LHFPL2: variants seen among roughly 807,000 people sequenced by gnomAD.
LHFPL2 encodes the protein LHFPL tetraspan subfamily member 2 protein.
A neutral mutation model predicts 17.5 loss-of-function variants in LHFPL2; 7 were observed. The observed-to-expected ratio is 0.40, with a 90% confidence interval of 0.23 to 0.75. The LOEUF is 0.75. Ranked by LOEUF, LHFPL2 falls within the 30% of genes least tolerant of loss-of-function variation. LHFPL2 has a pLI of 0.37. For synonymous variants in LHFPL2, 134 were observed against 116.2 expected, an observed-to-expected ratio of 1.15 and a Z score of -0.99; for missense variants, 241 against 294.8, an observed-to-expected ratio of 0.82 and a Z score of 1.34.
intron 3 of LHFPL2, among the ~76,000 whole-genome samples, chr5:78,558,721 C>T: frequency 6.6e-6 from 1 of 152,160 alleles, no homozygotes; most frequent in Non-Finnish European, 1.5e-5. Context: ...GTGCAATAAT[C>T]CATCAGACAG....
chr5:78,600,215 T>C (rs1232863912), intron 2 of LHFPL2, among the ~76,000 whole-genome samples: 2 of 151,918 alleles, frequency 1.3e-5, no homozygotes, highest in African/African-American at 2.4e-5. Context: ...TTTACAAATA[T>C]ATTGTTGTCA....
chr5:78,589,118 A>G (rs918379635), intron 2 of LHFPL2, among the ~76,000 whole-genome samples: 2 of 152,166 alleles, frequency 1.3e-5, no homozygotes, highest in African/African-American at 4.8e-5. Flanking sequence ...TGTGCTTTCC[A>G]TTGCATCCAG....
At chr5:78,627,281 TCGAAGTTAA>T (rs1015023311) in intron 2 of LHFPL2, among the ~76,000 whole-genome samples, 2 of 152,014 alleles carry the variant, frequency 1.3e-5, no homozygotes, top group African/African-American at 4.8e-5. Context: ...GCACAGGCCC[TCGAAGTTAA>T]CCAGCAACTG....
chr5:78,555,145 C>T (rs1756539210), intron 3 of LHFPL2, among the ~76,000 whole-genome samples: 1 of 152,054 alleles, frequency 6.6e-6, no homozygotes. Flanking sequence ...CCCAAGAAAA[C>T]ATCAAGTCTT....
intron 2 of LHFPL2, chr5:78,625,226 CA>C (rs1431989884): frequency 2.6e-5 from 4 of 152,236 alleles, no homozygotes; most frequent in African/African-American, 7.2e-5. Flanking sequence ...CACACACACA[CA>C]CACACCCCTC....
Position 78,485,633 on chromosome 5 carries a change from A to G in LHFPL2, c.*3264T>C, listed in dbSNP as rs1179111919. On this transcript the variant is annotated 3_prime_UTR_variant, in exon 5 of 5. Transcript: ENST00000380345. ...GGTCTGTTCTAAGCCAGACTCTTACAGCTAAGGAGGTGTGAGATTAGCCCT... is the reference window on the plus strand; with the variant it reads ...GGTCTGTTCTAAGCCAGACTCTTACGGCTAAGGAGGTGTGAGATTAGCCCT... 2 of 152,634 alleles carry G rather than the reference A, an allele frequency of 1.3e-5. No homozygotes were observed. The highest frequency in any genetic ancestry group is 2.9e-5 in the Non-Finnish European group (2 of 68,050). The allele number at this position is 152,634 out of a possible 1,614,324, so 9.5% of individuals were successfully genotyped here.
chr5:78,601,572 A>G (rs564875218), intron 2 of LHFPL2, among the ~76,000 whole-genome samples: 1 of 152,362 alleles, frequency 6.6e-6, no homozygotes, highest in African/African-American at 2.4e-5. Flanking sequence ...ACTATAAACC[A>G]TGTCTGTGTA....
intron 4 of LHFPL2, among the ~76,000 whole-genome samples, chr5:78,496,562 C>G (rs1395504288): frequency 2.0e-5 from 3 of 152,236 alleles, no homozygotes; most frequent in Non-Finnish European, 4.4e-5. Flanking sequence ...AGCCCCAGCC[C>G]TTGTTGACCC....
intron 3 of LHFPL2, among the ~76,000 whole-genome samples, chr5:78,549,324 T>C (rs10057293): frequency 0.4 from 60,755 of 152,114 alleles, 12,451 homozygotes; most frequent in Middle Eastern, 0.48. Flanking sequence ...ACTTACACAA[T>C]ACTTCTGCCA....
intron 3 of LHFPL2, among the ~76,000 whole-genome samples, chr5:78,553,672 G>A (rs566748348): frequency 6.6e-6 from 1 of 152,320 alleles, no homozygotes; most frequent in African/African-American, 2.4e-5. Flanking sequence ...TCCACTGACA[G>A]CACTGATTCC....
chr5:78,600,852 G>C (rs1263252484), intron 2 of LHFPL2, among the ~76,000 whole-genome samples: 3 of 152,172 alleles, frequency 2.0e-5, no homozygotes, highest in Admixed American at 1.3e-4. Flanking sequence ...AAAGGTTCTG[G>C]CTGAGAAAAC....
At chr5:78,530,875 A>G (rs184137511) in intron 3 of LHFPL2, among the ~76,000 whole-genome samples, 30 of 152,344 alleles carry the variant, frequency 2.0e-4, no homozygotes, top group Middle Eastern at 3.4e-3. Flanking sequence ...TGTCCCTTCA[A>G]CTACAAGTTT....
chr5:78,560,043 G>A (rs1756682342), intron 3 of LHFPL2, among the ~76,000 whole-genome samples: 1 of 152,186 alleles, frequency 6.6e-6, no homozygotes, highest in African/African-American at 2.4e-5. Flanking sequence ...CACAGACTGA[G>A]TACACACAAT....
intron 3 of LHFPL2, among the ~76,000 whole-genome samples, chr5:78,528,333 C>T (rs1755679712): frequency 6.6e-6 from 1 of 152,202 alleles, no homozygotes; most frequent in African/African-American, 2.4e-5. Context: ...GCCAGAATTA[C>T]CACCTGAGCT....
intron 3 of LHFPL2, among the ~76,000 whole-genome samples, chr5:78,538,998 C>T (rs902717751): frequency 1.3e-5 from 2 of 152,222 alleles, no homozygotes; most frequent in Non-Finnish European, 1.5e-5. Context: ...AGGCAAGGCA[C>T]TTGACACCTG....
rs1732147606 is a variant in LHFPL2 at position 78,485,641 on chromosome 5, A to T, written c.*3256T>A. ...CTAAGCCAGACTCTTACAGCTAAGG[A>T]GGTGTGAGATTAGCCCTTAAATACT... On this transcript the variant is annotated 3_prime_UTR_variant, in exon 5 of 5. Coordinates refer to ENST00000380345, the MANE Select transcript of LHFPL2 (RefSeq NM_005779.3). The T allele has an allele frequency of 6.6e-6, 1 of 152,590 alleles. No homozygotes were observed. 9.5% of individuals were successfully genotyped at this position (152,590 alleles called of 1,614,324 possible). A position where few individuals can be genotyped will look rare whatever the true frequency, so the allele number is the denominator to read the frequency against.
intron 2 of LHFPL2, among the ~76,000 whole-genome samples, chr5:78,566,987 G>T (rs76009322): frequency 6.6e-6 from 1 of 152,108 alleles, no homozygotes; most frequent in Non-Finnish European, 1.5e-5. Flanking sequence ...ACAACAAAAT[G>T]AGTCACTTCA....
intron 2 of LHFPL2, among the ~76,000 whole-genome samples, chr5:78,581,280 T>G (rs1743126669): frequency 6.6e-6 from 1 of 152,230 alleles, no homozygotes; most frequent in Admixed American, 6.5e-5. Flanking sequence ...GAATACCCTT[T>G]ATTTCCTTCC....
Position 78,584,996 on chromosome 5 carries a change from T to TG in LHFPL2, c.-244-20126_-244-20125insC, listed in dbSNP as rs1743322471. 1.8e-4 allele frequency among the ~76,000 whole-genome samples: 9 copies of TG among 51,292 alleles called. 1 individual carries two copies. The highest frequency in any genetic ancestry group is 4.9e-4 in the African/African-American group (7 of 14,252). The allele number at this position is 51,292 out of a possible 152,430, so 33.6% of individuals were successfully genotyped here. ...GGATATAATCTCCTGGTGCGCTGTG[T>TG]TTTTTTTTTTTTTTTTTTTTTTTTT... is the stretch of plus-strand genomic sequence containing the variant. On this transcript the variant is annotated intron_variant, in intron 2 of 4. Coordinates refer to ENST00000380345, the MANE Select transcript of LHFPL2 (RefSeq NM_005779.3).
Sources: gnomAD v4.1 joint callset for allele counts (sites outside exome capture counted in the v4.1 genomes callset) on GRCh38, gnomAD v4.1.1 for gene constraint, MANE v1.5 for transcripts, NCBI Gene and HGNC (gene_info 2026-07-23, HGNC 2026-07-21) for gene names.